The following GRM7 variants were observed in gnomAD, a reference collection of about 807,000 sequenced individuals.
GRM7 encodes glutamate metabotropic receptor 7.
In GRM7, 35 loss-of-function variants were observed where a neutral mutation model predicts 84.5. That is an observed-to-expected ratio of 0.41 (90% CI 0.32 to 0.55). The LOEUF (loss-of-function observed/expected upper bound fraction) is 0.55, where lower values mean the gene tolerates loss of function less well. Ranked by LOEUF, GRM7 falls within the 20% of genes least tolerant of loss-of-function variation. The pLI, the probability that GRM7 is intolerant of heterozygous loss-of-function variation, is 0.19. For synonymous variants in GRM7, 487 were observed against 455.1 expected, an observed-to-expected ratio of 1.07 and a Z score of -0.89; for missense variants, 1,003 against 1,194.6, an observed-to-expected ratio of 0.84 and a Z score of 2.36.
chr3:7,377,511 G>T (rs9883277), intron 4 of GRM7, among the ~76,000 whole-genome samples: 1 of 152,038 alleles, frequency 6.6e-6, no homozygotes, highest in African/African-American at 2.4e-5. Context: ...GGTGATGGAG[G>T]TGGGAAGGAA....
At chr3:7,448,694 CA>C (rs1406500456) in intron 5 of GRM7, among the ~76,000 whole-genome samples, 1 of 152,050 alleles carries the variant, frequency 6.6e-6, no homozygotes, top group Non-Finnish European at 1.5e-5. Flanking sequence ...GCTCCAAAGA[CA>C]AATTTAATAC....
intron 8 of GRM7, among the ~76,000 whole-genome samples, chr3:7,583,143 A>C (rs1354663631): frequency 6.6e-6 from 1 of 152,248 alleles, no homozygotes; most frequent in Non-Finnish European, 1.5e-5. Context: ...GTCTAAATGA[A>C]GCATCAGTCC....
intron 2 of GRM7, among the ~76,000 whole-genome samples, chr3:7,164,729 G>T (rs1326971331): frequency 6.6e-6 from 1 of 152,210 alleles, no homozygotes; most frequent in Non-Finnish European, 1.5e-5. Context: ...TAGCTGAAAA[G>T]AATCAGATAG....
rs570811183 is a variant in GRM7, at chr3:7,038,106, A to G, written c.520-108346A>G. Among the ~76,000 whole-genome samples the G allele has an allele frequency of 2.0e-5, 3 of 152,356 alleles. No homozygotes were observed. In the South Asian group the frequency reaches 6.2e-4, roughly 32 times the overall value. ...TTAGAGACCCCTCTATTGACTAAAGACAGGTTAGTCCATTGCAGTGGAATC... is the reference window on the plus strand; with the variant it reads ...TTAGAGACCCCTCTATTGACTAAAGGCAGGTTAGTCCATTGCAGTGGAATC... On this transcript the variant is annotated intron_variant, in intron 1 of 9. Coordinates refer to ENST00000357716, the MANE Select transcript of GRM7 (RefSeq NM_000844.4).
At chr3:7,485,539 C>T (rs376530763) in intron 7 of GRM7, among the ~76,000 whole-genome samples, 121 of 152,286 alleles carry the variant, frequency 7.9e-4, no homozygotes, top group East Asian at 1.5e-3. Context: ...ATACCTTTTC[C>T]TTTTGAAATA....
intron 1 of GRM7, among the ~76,000 whole-genome samples, chr3:6,927,890 G>A (rs948404153): frequency 5.3e-5 from 8 of 151,980 alleles, no homozygotes; most frequent in Middle Eastern, 3.4e-3. Context: ...CAAGTTTTTC[G>A]TTTTACAAAC....
chr3:7,288,792 C>T (rs760548297), intron 2 of GRM7, among the ~76,000 whole-genome samples: 1 of 152,030 alleles, frequency 6.6e-6, no homozygotes, highest in Non-Finnish European at 1.5e-5. Flanking sequence ...AATGTACACA[C>T]CAGTTACTAG....
intron 9 of GRM7, among the ~76,000 whole-genome samples, chr3:7,707,343 C>A (rs1316586151): frequency 6.6e-6 from 1 of 152,164 alleles, no homozygotes; most frequent in Non-Finnish European, 1.5e-5. Flanking sequence ...TTCTTGCCCA[C>A]TGAGTCAGTT....
intron 2 of GRM7, among the ~76,000 whole-genome samples, chr3:7,285,175 A>G (rs1699385790): frequency 6.6e-6 from 1 of 152,170 alleles, no homozygotes; most frequent in South Asian, 2.1e-4. Flanking sequence ...TCAAATATTC[A>G]CTACCTACCA....
intron 8 of GRM7, among the ~76,000 whole-genome samples, chr3:7,652,304 T>C (rs2125115357): frequency 6.6e-6 from 1 of 152,274 alleles, no homozygotes; most frequent in Middle Eastern, 3.4e-3. Context: ...TCCATGAATC[T>C]AATTGCTCAG....
chr3:7,129,499 G>A (rs376235890), intron 1 of GRM7, among the ~76,000 whole-genome samples: 8 of 152,190 alleles, frequency 5.3e-5, no homozygotes, highest in Non-Finnish European at 7.3e-5. Flanking sequence ...TTGCAACTAC[G>A]TGTGATTCAT....
intron 8 of GRM7, among the ~76,000 whole-genome samples, chr3:7,667,333 T>C (rs1367006123): frequency 2.0e-5 from 3 of 150,774 alleles, no homozygotes; most frequent in Non-Finnish European, 4.4e-5. Context: ...GAAATGAGAA[T>C]AACATTTTCA....
At chr3:7,338,180 A>C (rs1701498987) in intron 4 of GRM7, among the ~76,000 whole-genome samples, 1 of 151,878 alleles carries the variant, frequency 6.6e-6, no homozygotes, top group Non-Finnish European at 1.5e-5. Context: ...GATGGATAAA[A>C]TAATGGCATT....
intron 2 of GRM7, among the ~76,000 whole-genome samples, chr3:7,149,973 T>A (rs1039445102): frequency 6.6e-6 from 1 of 152,150 alleles, no homozygotes; most frequent in African/African-American, 2.4e-5. Flanking sequence ...CTATTCTTAT[T>A]AACATGCTGT....
chr3:7,191,243 A>G (rs1695702101), intron 2 of GRM7, among the ~76,000 whole-genome samples: 1 of 152,084 alleles, frequency 6.6e-6, no homozygotes, highest in Non-Finnish European at 1.5e-5. Context: ...AATAACTGTG[A>G]ATACGTCCTT....
chr3:7,179,373 A>G (rs904707869), intron 2 of GRM7, among the ~76,000 whole-genome samples: 1 of 152,252 alleles, frequency 6.6e-6, no homozygotes, highest in Non-Finnish European at 1.5e-5. Flanking sequence ...TGACTCTACT[A>G]CTGCACATCT....
intron 8 of GRM7, among the ~76,000 whole-genome samples, chr3:7,661,794 C>CAAAAAAAA (rs71043686): frequency 0.031 from 877 of 28,170 alleles, 190 homozygotes; most frequent in East Asian, 0.053. Flanking sequence ...GTCTCCGTCT[C>CAAAAAAAA]AAAAAAAAAA....
chr3:7,263,277 G>A (rs1698506625), intron 2 of GRM7, among the ~76,000 whole-genome samples: 2 of 152,180 alleles, frequency 1.3e-5, no homozygotes, highest in Admixed American at 1.3e-4. Flanking sequence ...GACTCCTCAA[G>A]GTTGGTATAA....
intron 1 of GRM7, among the ~76,000 whole-genome samples, chr3:7,084,623 C>T (rs561701250): frequency 6.6e-6 from 1 of 152,140 alleles, no homozygotes; most frequent in East Asian, 1.9e-4. Context: ...AAATGGGAGT[C>T]AGGTTAGTTC....
Sources: gnomAD v4.1 joint callset for allele counts (sites outside exome capture counted in the v4.1 genomes callset) on GRCh38, gnomAD v4.1.1 for gene constraint, MANE v1.5 for transcripts, NCBI Gene and HGNC (gene_info 2026-07-23, HGNC 2026-07-21) for gene names.